Variants in FOXP2 observed in about 807,000 individuals in gnomAD.
FOXP2 encodes forkhead box P2.
Under a neutral mutation model 115.8 loss-of-function variants are expected in FOXP2, and 12 were observed. That is an observed-to-expected ratio of 0.10 (90% CI 0.07 to 0.17). The LOEUF is 0.17. Ranked by LOEUF, FOXP2 falls within the 10% of genes least tolerant of loss-of-function variation. The pLI, the probability that FOXP2 is intolerant of heterozygous loss-of-function variation, is 1.00. For synonymous variants in FOXP2, 328 were observed against 297.7 expected (o/e 1.10, Z -1.05); for missense variants, 629 against 843.5 (o/e 0.75, Z 3.15).
chr7:114,093,439 A>C (rs913305433), intron 1 of FOXP2, among the ~76,000 whole-genome samples: 3 of 152,098 alleles, frequency 2.0e-5, no homozygotes, highest in Admixed American at 2.0e-4. Flanking sequence ...CTTTTCCCCC[A>C]GTGGCATGTA....
At chr7:114,196,586 T>C (rs1475200080) in intron 1 of FOXP2, among the ~76,000 whole-genome samples, 1 of 152,240 alleles carries the variant, frequency 6.6e-6, no homozygotes, top group Non-Finnish European at 1.5e-5. Context: ...CTTAATAGAC[T>C]GTAATTTACA....
intron 1 of FOXP2, among the ~76,000 whole-genome samples, chr7:114,115,001 T>C (rs1260626924): frequency 1.3e-5 from 2 of 152,098 alleles, no homozygotes; most frequent in Non-Finnish European, 1.5e-5. Flanking sequence ...ATTTTGTGTG[T>C]TGCATTTTTT....
At chr7:114,497,678 TAAA>T (rs1797382106) in intron 2 of FOXP2, among the ~76,000 whole-genome samples, 7 of 142,936 alleles carry the variant, frequency 4.9e-5, no homozygotes, top group Admixed American at 4.8e-4. Flanking sequence ...AATAAATAAA[TAAA>T]TAAATAAATA....
chr7:114,361,460 A>C (rs1791743255), intron 2 of FOXP2, among the ~76,000 whole-genome samples: 1 of 152,038 alleles, frequency 6.6e-6, no homozygotes. Flanking sequence ...TCAGAAAGAG[A>C]CTATATTCTT....
chr7:114,677,188 A>AAAAAAC (rs1807826502), intron 16 of FOXP2, among the ~76,000 whole-genome samples: 4 of 149,076 alleles, frequency 2.7e-5, no homozygotes, highest in South Asian at 2.1e-4. Context: ...AAAAAAAAAC[A>AAAAAAC]AAAAAAACAA....
At chr7:114,371,365 C>T (rs1339384611) in intron 2 of FOXP2, among the ~76,000 whole-genome samples, 2 of 151,888 alleles carry the variant, frequency 1.3e-5, no homozygotes, top group African/African-American at 4.8e-5. Flanking sequence ...GTATTACAGG[C>T]ATGAGCCACC....
At chr7:114,529,986 A>G (rs1308897786) in intron 2 of FOXP2, among the ~76,000 whole-genome samples, 2 of 151,946 alleles carry the variant, frequency 1.3e-5, no homozygotes, top group Non-Finnish European at 1.5e-5. Flanking sequence ...TTCGTATTCA[A>G]AGTAACATGT....
chr7:114,154,562 T>G (rs1792611786), intron 1 of FOXP2, among the ~76,000 whole-genome samples: 1 of 152,110 alleles, frequency 6.6e-6, no homozygotes, highest in Non-Finnish European at 1.5e-5. Flanking sequence ...CAGTTAAAAA[T>G]GTGTAAATAT....
At position 114,418,683 on chromosome 7, in the gene FOXP2, A is replaced by G. The variant is rs370387932; in HGVS notation, c.-11+3323A>G. Among the ~76,000 whole-genome samples, 606 of 152,032 alleles carry G rather than the reference A, an allele frequency of 4.0e-3. 3 individuals carry two copies. Among genetic ancestry groups the G allele is most frequent in the South Asian group, 0.018 (87 of 4,824 alleles). On this transcript the variant is annotated intron_variant, in intron 1 of 16. Transcript: ENST00000350908. The stretch of plus-strand genomic sequence containing the variant: ...TGATTGAAGCTGTGGGTTCAAAAAA[A>G]AAAGCTATACAGAAGGTCAATGGCT...
chr7:114,572,842 A>G (rs1393633445), intron 3 of FOXP2, among the ~76,000 whole-genome samples: 2 of 151,914 alleles, frequency 1.3e-5, no homozygotes, highest in Non-Finnish European at 2.9e-5. Context: ...TGAGACATGA[A>G]GAAGTGAAAT....
chr7:114,181,736 GGGTCAATAAAAA>G (rs1196822703), intron 1 of FOXP2, among the ~76,000 whole-genome samples: 4 of 151,836 alleles, frequency 2.6e-5, no homozygotes, highest in African/African-American at 9.7e-5. Context: ...TTAAATCAGT[GGGTCAATAAAAA>G]GATAAAACAC....
At chr7:114,569,791 T>C (rs1010705803) in intron 3 of FOXP2, among the ~76,000 whole-genome samples, 19 of 151,970 alleles carry the variant, frequency 1.3e-4, no homozygotes, top group Admixed American at 9.9e-4. Context: ...ATGTAAAGCA[T>C]ATACAATCCA....
intron 16 of FOXP2, among the ~76,000 whole-genome samples, chr7:114,685,966 C>T (rs898554018): frequency 6.6e-6 from 1 of 150,438 alleles, no homozygotes; most frequent in Non-Finnish European, 1.5e-5. Context: ...AGAGGAAAAC[C>T]GGTGTTTTTT....
At chr7:114,264,558 G>A (rs1047950678) in intron 1 of FOXP2, among the ~76,000 whole-genome samples, 1 of 151,984 alleles carries the variant, frequency 6.6e-6, no homozygotes, top group Non-Finnish European at 1.5e-5. Context: ...GATTATTCTT[G>A]TTTACACATA....
intron 1 of FOXP2, among the ~76,000 whole-genome samples, chr7:114,163,669 A>C (rs1180553895): frequency 6.6e-6 from 1 of 152,212 alleles, no homozygotes; most frequent in Non-Finnish European, 1.5e-5. Context: ...ATATGTATTA[A>C]TGATTATATA....
intron 16 of FOXP2, among the ~76,000 whole-genome samples, chr7:114,675,715 A>G (rs1807716903): frequency 1.3e-5 from 2 of 152,066 alleles, no homozygotes; most frequent in African/African-American, 4.8e-5. Flanking sequence ...GCATTTTTTT[A>G]ATCTAGAAGG....
chr7:114,230,315 AT>A (rs201241454), intron 1 of FOXP2, among the ~76,000 whole-genome samples: 9 of 151,862 alleles, frequency 5.9e-5, no homozygotes, highest in Non-Finnish European at 1.2e-4. Flanking sequence ...ATTAACACTG[AT>A]TTTTTTCATA....
intron 13 of FOXP2, 23 bp from the exon 14 acceptor site, chr7:114,662,042 T>A: frequency 6.2e-7 from 1 of 1,611,910 alleles, no homozygotes; most frequent in Non-Finnish European, 8.5e-7. Flanking sequence ...TTGCCATTTT[T>A]TCTTCTCTTC....
At chr7:114,130,963 T>C (rs1791857887) in intron 1 of FOXP2, among the ~76,000 whole-genome samples, 1 of 152,246 alleles carries the variant, frequency 6.6e-6, no homozygotes, top group Admixed American at 6.5e-5. Context: ...GCAATTAAAC[T>C]GGAAGTGTTT....
Sources: gnomAD v4.1 joint callset for allele counts (sites outside exome capture counted in the v4.1 genomes callset) on GRCh38, gnomAD v4.1.1 for gene constraint, MANE v1.5 for transcripts, NCBI Gene and HGNC (gene_info 2026-07-23, HGNC 2026-07-21) for gene names.